The following CABIN1 variants were observed in gnomAD, a reference collection of about 807,000 sequenced individuals.
CABIN1 encodes the protein calcineurin binding protein 1, also known as calcineurin-binding protein cabin-1.
A neutral mutation model predicts 227.7 loss-of-function variants in CABIN1; 133 were observed. That is an observed-to-expected ratio of 0.58 (90% CI 0.51 to 0.67). The LOEUF is 0.67. Ranked by LOEUF, CABIN1 falls within the 30% of genes least tolerant of loss-of-function variation. The pLI, the probability that CABIN1 is intolerant of heterozygous loss-of-function variation, is 0.00. For missense variants in CABIN1, 2,408 were observed against 2,852.5 expected (o/e 0.84, Z 3.55); for synonymous variants, 1,086 against 1,155.1 (o/e 0.94, Z 1.21).
chr22:24,011,472 C>G (rs1230763014), intron 1 of CABIN1, 105 bp downstream of exon 1: 1 of 152,378 alleles, frequency 6.6e-6, no homozygotes, highest in Middle Eastern at 3.1e-3. Flanking sequence ...GGCTGGGTTA[C>G]GTGAGGAAGC....
chr22:24,135,728 G>A (rs1024858463), intron 29 of CABIN1, among the ~76,000 whole-genome samples: 1 of 152,166 alleles, frequency 6.6e-6, no homozygotes, highest in African/African-American at 2.4e-5. Context: ...TATTTTCCTT[G>A]ATTCCCTCTT....
Position 24,091,623 on chromosome 22 carries a change from A to G in CABIN1, c.3566A>G (p.His1189Arg). The change falls in exon 24 of 37, where the codon CAC becomes CGC. Residue 1189 changes from histidine (H) to arginine (R), a missense_variant. Physicochemically the swap from His to Arg is conservative, Grantham distance 29. This residue lies in a region of CABIN1 where 649 missense variants were observed against 910.3 expected (regional missense o/e 0.71). Transcript: ENST00000263119. ...GACAGCATGCTAGAGACAGCCAAGC[A>G]CTGTTTCACATCAGCAGCCCGCTGC... ...RRDSMLETAK[H>R]CFTSAARCEG... 1 of 1,614,220 alleles carries G rather than the reference A, an allele frequency of 6.2e-7. No individual in the cohort carries two copies. The highest frequency in any genetic ancestry group is 8.5e-7 in the Non-Finnish European group (1 of 1,180,038).
intron 1 of CABIN1, among the ~76,000 whole-genome samples, chr22:24,017,333 G>C (rs1439829451): frequency 6.6e-6 from 1 of 152,118 alleles, no homozygotes; most frequent in East Asian, 1.9e-4. Flanking sequence ...CACTGCGCCT[G>C]ACCCAATTTA....
At chr22:24,037,259 CAAA>C (rs71184942) in intron 3 of CABIN1, among the ~76,000 whole-genome samples, 8 of 52,618 alleles carry the variant, frequency 1.5e-4, no homozygotes, top group Non-Finnish European at 2.0e-4. Context: ...GACCCCGTCT[CAAA>C]AAAAAAAAAA....
intron 3 of CABIN1, among the ~76,000 whole-genome samples, chr22:24,036,807 G>T (rs190501562): frequency 7.9e-5 from 12 of 151,900 alleles, no homozygotes; most frequent in Non-Finnish European, 4.4e-5. Context: ...TAGAAATCAG[G>T]ACAGTTCCAG....
chr22:24,072,602 G>A (rs992096240), intron 18 of CABIN1, 92 bp downstream of exon 18: 52 of 1,443,388 alleles, frequency 3.6e-5, no homozygotes, highest in South Asian at 5.8e-5. Context: ...TTATCCAGAC[G>A]TTGTGAGTGG....
chr22:24,160,533 T>G (rs2046090016), intron 29 of CABIN1: 1 of 152,324 alleles, frequency 6.6e-6, no homozygotes, highest in African/African-American at 2.4e-5. Flanking sequence ...GGGTTTACAA[T>G]GAGAATCAGA....
At chr22:24,136,077 G>A (rs1002560841) in intron 29 of CABIN1, among the ~76,000 whole-genome samples, 1 of 152,158 alleles carries the variant, frequency 6.6e-6, no homozygotes, top group African/African-American at 2.4e-5. Flanking sequence ...TTATCTGCAT[G>A]CCCAGGCCAC....
intron 28 of CABIN1, among the ~76,000 whole-genome samples, chr22:24,126,574 G>A (rs920389458): frequency 2.0e-5 from 3 of 152,278 alleles, no homozygotes; most frequent in African/African-American, 7.2e-5. Flanking sequence ...AAGCTGGTGT[G>A]ACTAGAATCT....
chr22:24,075,857 G>C (rs2040405029), intron 18 of CABIN1, among the ~76,000 whole-genome samples: 1 of 152,066 alleles, frequency 6.6e-6, no homozygotes, highest in Non-Finnish European at 1.5e-5. Flanking sequence ...ACAGATGGAT[G>C]CTGTGACTGA....
intron 19 of CABIN1, among the ~76,000 whole-genome samples, chr22:24,076,912 T>C (rs2040481096): frequency 6.6e-6 from 1 of 152,126 alleles, no homozygotes; most frequent in South Asian, 2.1e-4. Flanking sequence ...GTTCTTCATA[T>C]ACCAAGACAG....
chr22:24,013,845 G>A (rs1439672585), intron 1 of CABIN1, among the ~76,000 whole-genome samples: 2 of 152,016 alleles, frequency 1.3e-5, no homozygotes, highest in Non-Finnish European at 2.9e-5. Flanking sequence ...TTTGTCTAAC[G>A]TCTCTCAATT....
chr22:24,087,981 A>T (rs1013621798), intron 23 of CABIN1, among the ~76,000 whole-genome samples: 2 of 152,150 alleles, frequency 1.3e-5, no homozygotes, highest in African/African-American at 2.4e-5. Flanking sequence ...TGTAGTTGAG[A>T]GATAGGGAGG....
At chr22:24,087,049 G>A (rs536371297) in intron 22 of CABIN1, among the ~76,000 whole-genome samples, 1 of 152,298 alleles carries the variant, frequency 6.6e-6, no homozygotes, top group East Asian at 1.9e-4. Flanking sequence ...CTGGACTGCT[G>A]CTGCCTTGCC....
intron 17 of CABIN1, 133 bp downstream of exon 17, chr22:24,071,175 A>G (rs1555929696): frequency 2.4e-6 from 3 of 1,271,624 alleles, no homozygotes; most frequent in South Asian, 2.5e-5. Flanking sequence ...CTTTGGTTGG[A>G]ACTTTCGGGA....
rs750986295 is a variant in CABIN1 at position 24,119,554 on chromosome 22, G to A, written c.4488G>A (p.Gly1496=). 2 of 1,613,846 alleles carry A rather than the reference G, an allele frequency of 1.2e-6. No individual in the cohort carries two copies. Among genetic ancestry groups the A allele is most frequent in the Admixed American group, 1.7e-5 (1 of 60,030 alleles). ...LPGEPVAFPQ[G]LPAGAEEQRQ... The stretch of plus-strand genomic sequence containing the variant: ...GGGAGCCAGTGGCCTTCCCCCAGGG[G>A]CTGCCGGCTGGTGCTGAGGAGCAGC... Residue 1496 remains glycine, a synonymous_variant, in exon 28 of 37, where the codon GGG becomes GGA. Transcript: ENST00000263119.
chr22:24,088,435 C>T (rs1374683401), intron 23 of CABIN1, among the ~76,000 whole-genome samples: 1 of 152,084 alleles, frequency 6.6e-6, no homozygotes, highest in Admixed American at 6.6e-5. Context: ...TAGTGAAACC[C>T]CATCTCTACT....
At chr22:24,055,538 G>A (rs915606020) in intron 9 of CABIN1, among the ~76,000 whole-genome samples, 1 of 152,214 alleles carries the variant, frequency 6.6e-6, no homozygotes, top group African/African-American at 2.4e-5. Context: ...CTTGCTGACT[G>A]TGTACATCCT....
chr22:24,060,912 A>T (rs1007319286), intron 12 of CABIN1, among the ~76,000 whole-genome samples: 28 of 152,086 alleles, frequency 1.8e-4, no homozygotes, highest in South Asian at 4.2e-4. Flanking sequence ...AAAAAAAAAA[A>T]TTTGTTTTGT....
Sources: gnomAD v4.1 joint callset for allele counts (sites outside exome capture counted in the v4.1 genomes callset) on GRCh38, gnomAD v4.1.1 for gene constraint, gnomAD v4.1.1 regional missense constraint, MANE v1.5 for transcripts, NCBI Gene and HGNC (gene_info 2026-07-23, HGNC 2026-07-21) for gene names.